CAPZA1: variants seen among roughly 807,000 people sequenced by gnomAD.
The protein encoded by CAPZA1 is capping actin protein of muscle Z-line subunit alpha 1.
A neutral mutation model predicts 40.8 loss-of-function variants in CAPZA1; 10 were observed. The ratio of observed to expected loss-of-function variants is 0.25; its 90% CI spans 0.15 to 0.42. The LOEUF (loss-of-function observed/expected upper bound fraction) is 0.42, where lower values mean the gene tolerates loss of function less well. Among genes scored for constraint, CAPZA1 ranks in the 10% least tolerant of loss-of-function variants. The pLI, the probability that CAPZA1 is intolerant of heterozygous loss-of-function variation, is 1.00. For synonymous variants in CAPZA1, 98 were observed against 115.0 expected, an observed-to-expected ratio of 0.85 and a Z score of 0.95; for missense variants, 277 against 353.8, an observed-to-expected ratio of 0.78 and a Z score of 1.74.
At chr1:112,653,760 G>T in intron 4 of CAPZA1, 99 bp downstream of exon 4, 1 of 825,808 alleles carries the variant, frequency 1.2e-6, no homozygotes, top group East Asian at 2.5e-5. Context: ...GAATAAATTT[G>T]TCTTAGTTTT....
At chr1:112,665,974 C>T (rs541817455) in intron 7 of CAPZA1, among the ~76,000 whole-genome samples, 3 of 152,272 alleles carry the variant, frequency 2.0e-5, no homozygotes, top group South Asian at 2.1e-4. Flanking sequence ...TTCCTTTTCC[C>T]GTGTGTCACC....
At chr1:112,651,062 C>T (rs1236873325) in intron 3 of CAPZA1, among the ~76,000 whole-genome samples, 1 of 152,162 alleles carries the variant, frequency 6.6e-6, no homozygotes, top group Non-Finnish European at 1.5e-5. Flanking sequence ...CCATAGTCCT[C>T]ATAGTAACTG....
intron 3 of CAPZA1, among the ~76,000 whole-genome samples, chr1:112,652,951 T>C (rs1003565574): frequency 6.6e-6 from 1 of 152,232 alleles, no homozygotes; most frequent in Non-Finnish European, 1.5e-5. Context: ...ACTTTGTGCC[T>C]GAGGCTCTAC....
At chr1:112,641,031 A>C (rs561244667) in intron 1 of CAPZA1, among the ~76,000 whole-genome samples, 2 of 152,190 alleles carry the variant, frequency 1.3e-5, no homozygotes, top group African/African-American at 2.4e-5. Context: ...CAGCATGCTC[A>C]TTAAGAGTCA....
At chr1:112,659,300 A>C in intron 6 of CAPZA1, 199 bp downstream of exon 6, 1 of 571,614 alleles carries the variant, frequency 1.7e-6, no homozygotes, top group East Asian at 2.9e-5. Flanking sequence ...ATTTTGAGTG[A>C]GAACAAGTGA....
chr1:112,644,180 C>A (rs1332681635), intron 1 of CAPZA1, among the ~76,000 whole-genome samples: 3 of 86,034 alleles, frequency 3.5e-5, no homozygotes, highest in Non-Finnish European at 6.8e-5. Flanking sequence ...TTCTCTTCTC[C>A]CAGCTTTTTT....
At chr1:112,649,516 T>TA in intron 3 of CAPZA1, 47 bp downstream of exon 3, 19 of 1,414,148 alleles carry the variant, frequency 1.3e-5, no homozygotes, top group Non-Finnish European at 1.9e-5. Flanking sequence ...TAACATTGGA[T>TA]AAACTATGTT....
chr1:112,631,442 C>CT (rs1390185330), intron 1 of CAPZA1, among the ~76,000 whole-genome samples: 1 of 152,032 alleles, frequency 6.6e-6, no homozygotes, highest in Non-Finnish European at 1.5e-5. Flanking sequence ...AATGAAGAAA[C>CT]TAAGACCCAA....
At chr1:112,649,370 T>G (rs112819520) in intron 2 of CAPZA1, 48 bp from the exon 3 acceptor site, 2 of 1,430,638 alleles carry the variant, frequency 1.4e-6, no homozygotes, top group African/African-American at 1.4e-5. Context: ...CTGCTAAAAT[T>G]TCTCAAATTT....
Position 112,671,560 on chromosome 1 carries a change from C to T in CAPZA1, c.*1428C>T, listed in dbSNP as rs1671834834. 1.3e-5 allele frequency: 2 copies of T among 152,614 alleles called. No individual in the cohort carries two copies. The highest frequency in any genetic ancestry group is 4.1e-4 in the South Asian group (2 of 4,820). The allele number at this position is 152,614 out of a possible 1,614,324, so 9.5% of individuals were successfully genotyped here. A position where few individuals can be genotyped will look rare whatever the true frequency, so the allele number is the denominator to read the frequency against. On this transcript the variant is annotated 3_prime_UTR_variant, in exon 10 of 10. Coordinates refer to ENST00000263168, the MANE Select transcript of CAPZA1 (RefSeq NM_006135.3). ...TTGTCCTTCATACTATCCATCCATA[C>T]CACACTATCTTCTGTATCAGGTAGT...
At chr1:112,643,298 T>A (rs1343480807) in intron 1 of CAPZA1, among the ~76,000 whole-genome samples, 1 of 152,214 alleles carries the variant, frequency 6.6e-6, no homozygotes, top group African/African-American at 2.4e-5. Flanking sequence ...TCTCTCTTTT[T>A]ATTGTTTTTG....
chr1:112,649,560 A>G, intron 3 of CAPZA1, 91 bp downstream of exon 3: 1 of 1,040,172 alleles, frequency 9.6e-7, no homozygotes, highest in Non-Finnish European at 1.5e-6. Flanking sequence ...ACAAAGTTTA[A>G]AATACTTCAA....
Position 112,653,491 on chromosome 1 carries a change from T to C in CAPZA1, c.156-107T>C, listed in dbSNP as rs972603492. 3 of 738,306 alleles carry C rather than the reference T, an allele frequency of 4.1e-6. No individual in the cohort carries two copies. The Admixed American group carries it at 8.3e-5, about 20-fold the overall frequency. 45.7% of individuals were successfully genotyped at this position (738,306 alleles called of 1,614,324 possible). The stretch of plus-strand genomic sequence containing the variant: ...AAAAGTACAGGGTACTATTTTCACA[T>C]TTCCTTTCACTATTCTGTGAACCAC... On this transcript the variant is annotated intron_variant, in intron 3 of 9. Coordinates refer to ENST00000263168, the MANE Select transcript of CAPZA1 (RefSeq NM_006135.3).
chr1:112,635,550 G>A (rs1670997087), intron 1 of CAPZA1, among the ~76,000 whole-genome samples: 1 of 126,868 alleles, frequency 7.9e-6, no homozygotes, highest in African/African-American at 3.3e-5. Context: ...TGTTTGTCAA[G>A]GACTTTTTTT....
At chr1:112,626,247 C>T (rs922445731) in intron 1 of CAPZA1, 4 of 152,054 alleles carry the variant, frequency 2.6e-5, no homozygotes, top group Admixed American at 6.6e-5. Context: ...CCCTGAAAGC[C>T]ATTTCCATTA....
intron 1 of CAPZA1, among the ~76,000 whole-genome samples, chr1:112,630,078 T>C (rs930871366): frequency 5.9e-5 from 9 of 152,282 alleles, no homozygotes; most frequent in African/African-American, 2.2e-4. Flanking sequence ...GGTCTCACTC[T>C]GTCACCAAGA....
At chr1:112,662,778 CAT>C in intron 7 of CAPZA1, among the ~76,000 whole-genome samples, 1 of 152,244 alleles carries the variant, frequency 6.6e-6, no homozygotes, top group Admixed American at 6.5e-5. Flanking sequence ...AATTAAAAAA[CAT>C]AACAGAAGTT....
At chr1:112,665,897 T>A (rs1557738667) in intron 7 of CAPZA1, among the ~76,000 whole-genome samples, 1 of 152,222 alleles carries the variant, frequency 6.6e-6, no homozygotes, top group East Asian at 1.9e-4. Context: ...TGTTCTGGCA[T>A]TATGTCTCCA....
In CAPZA1 at chr1:112,659,685, G is replaced by T; in HGVS notation, c.507-16G>T. 6.2e-7 allele frequency: 1 copy of T among 1,604,128 alleles called. No homozygotes were observed. Among genetic ancestry groups the T allele is most frequent in the South Asian group, 1.1e-5 (1 of 90,638 alleles). Reference sequence around the variant, plus strand: ...CTTATTGCTAATTCTGCAATGTTGTGTGTGTGTTTTAATAGGAATGGTCGT... The same window carrying T: ...CTTATTGCTAATTCTGCAATGTTGTTTGTGTGTTTTAATAGGAATGGTCGT... On this transcript the variant is annotated splice_polypyrimidine_tract_variant and intron_variant, in intron 6 of 9. Transcript: ENST00000263168.
Sources: allele counts gnomAD v4.1 joint callset (sites outside exome capture counted in the v4.1 genomes callset), GRCh38; gene constraint gnomAD v4.1.1; transcripts MANE v1.5; gene names NCBI Gene and HGNC (gene_info 2026-07-23, HGNC 2026-07-21).